The following AK5 variants were observed in gnomAD, a reference collection of about 807,000 sequenced individuals.
The protein encoded by AK5 is adenylate kinase isoenzyme 5.
AK5 carries 27 observed loss-of-function variants against 69.5 expected under a neutral mutation model. That is an observed-to-expected ratio of 0.39 (90% CI 0.29 to 0.54). The LOEUF (loss-of-function observed/expected upper bound fraction) is 0.54, where lower values mean the gene tolerates loss of function less well. AK5 is among the 20% of genes least tolerant of loss of function. The pLI is 0.71. For synonymous variants in AK5, 260 were observed against 244.4 expected, an observed-to-expected ratio of 1.06 and a Z score of -0.60; for missense variants, 531 against 700.4, an observed-to-expected ratio of 0.76 and a Z score of 2.73.
At position 77,432,315 on chromosome 1, in the gene AK5, C is replaced by A. The variant is rs116067335; in HGVS notation, c.1059+14600C>A. Among the ~76,000 whole-genome samples, 3 of 152,230 alleles carry A rather than the reference C, an allele frequency of 2.0e-5. No homozygotes were observed. In the East Asian group the frequency reaches 5.8e-4, roughly 29 times the overall value. ...GGTGAGTAGGAATCTGTGTCAAAAG[C>A]GTTCTAGCCACATTTGAGCAACAAG... On this transcript the variant is annotated intron_variant, in intron 8 of 13. Transcript: ENST00000354567.
chr1:77,395,794 C>T (rs1167113390), intron 6 of AK5, among the ~76,000 whole-genome samples: 1 of 152,204 alleles, frequency 6.6e-6, no homozygotes, highest in African/African-American at 2.4e-5. Context: ...AGAAGTTATT[C>T]GAAGGCCTCC....
chr1:77,354,105 T>C lies in AK5; in HGVS notation c.891+13537T>C, dbSNP rs569994365. The stretch of plus-strand genomic sequence containing the variant: ...GTTACAGCCATTACCAAGTTCAGGA[T>C]TGGAAATGGGAGTAAGTGGTGGGAA... On this transcript the variant is annotated intron_variant, in intron 6 of 13. Transcript: ENST00000354567. Among the ~76,000 whole-genome samples the C allele has an allele frequency of 2.8e-4, 43 of 152,098 alleles. 1 individual carries two copies. Among genetic ancestry groups the C allele is most frequent in the African/African-American group, 9.4e-4 (39 of 41,482 alleles).
Position 77,558,607 on chromosome 1 carries a change from T to C in AK5, c.1626T>C (p.Asn542=). 1.9e-6 allele frequency: 3 copies of C among 1,586,944 alleles called. No homozygotes were observed. The highest frequency in any genetic ancestry group is 2.6e-6 in the Non-Finnish European group (3 of 1,155,654). ...YETKTQLHKI[N]AEGTPEDVFL... is the part of the protein sequence containing the mutation. Reference sequence around the variant, plus strand: ...TTTTTTCCTTTTAAATATAGATAAATGCAGAGGGAACACCAGAGGACGTTT... The same window carrying C: ...TTTTTTCCTTTTAAATATAGATAAACGCAGAGGGAACACCAGAGGACGTTT... The change falls in exon 14 of 14, where the codon AAT becomes AAC. Residue 542 remains asparagine (N), a synonymous_variant. Transcript: ENST00000354567.
chr1:77,402,664 A>G (rs1291000404), intron 6 of AK5, among the ~76,000 whole-genome samples: 1 of 151,686 alleles, frequency 6.6e-6, no homozygotes, highest in East Asian at 1.9e-4. Context: ...CATGGTGTAT[A>G]TGTGCCACAT....
chr1:77,461,032 A>AT (rs1184525318), intron 8 of AK5, among the ~76,000 whole-genome samples: 6 of 142,424 alleles, frequency 4.2e-5, no homozygotes, highest in African/African-American at 1.6e-4. Flanking sequence ...CTGTATGTGA[A>AT]ATTTTTTTTT....
intron 8 of AK5, among the ~76,000 whole-genome samples, chr1:77,472,553 A>G (rs753766299): frequency 5.9e-5 from 9 of 152,006 alleles, no homozygotes; most frequent in Non-Finnish European, 1.3e-4. Flanking sequence ...TCTGCATCCA[A>G]AAAGAGAGGT....
At chr1:77,536,578 A>T (rs1205726372) in intron 13 of AK5, among the ~76,000 whole-genome samples, 3 of 152,182 alleles carry the variant, frequency 2.0e-5, no homozygotes, top group Non-Finnish European at 2.9e-5. Context: ...ATTTTCACAG[A>T]TCCCCTTATA....
At chr1:77,443,636 T>C (rs1652466531) in intron 8 of AK5, among the ~76,000 whole-genome samples, 1 of 150,894 alleles carries the variant, frequency 6.6e-6, no homozygotes, top group Non-Finnish European at 1.5e-5. Context: ...AAAATAATAA[T>C]GCCGCATTCC....
chr1:77,475,418 C>CAAA (rs5775405), intron 8 of AK5, among the ~76,000 whole-genome samples: 5 of 82,018 alleles, frequency 6.1e-5, no homozygotes, highest in South Asian at 3.3e-4. Context: ...TATATATATA[C>CAAA]TATATATTAT....
At chr1:77,472,681 G>A (rs752553463) in intron 8 of AK5, among the ~76,000 whole-genome samples, 1 of 140,880 alleles carries the variant, frequency 7.1e-6, no homozygotes, top group Non-Finnish European at 1.6e-5. Context: ...TCAGGAGTTC[G>A]AGAACAGCCT....
intron 5 of AK5, among the ~76,000 whole-genome samples, chr1:77,324,021 C>G (rs141276842): frequency 2.2e-4 from 34 of 152,340 alleles, no homozygotes; most frequent in Admixed American, 6.5e-4. Context: ...GCTGCTGCTG[C>G]TGCTGCAGCC....
At chr1:77,356,214 T>C (rs2100424285) in intron 6 of AK5, among the ~76,000 whole-genome samples, 1 of 152,328 alleles carries the variant, frequency 6.6e-6, no homozygotes, top group South Asian at 2.1e-4. Context: ...GTAATGTCAC[T>C]GAAACAAAAG....
rs192246757 is a variant in AK5 at position 77,518,794 on chromosome 1, A to C, written c.1311+67A>C. On this transcript the variant is annotated intron_variant, in intron 11 of 13. Coordinates refer to ENST00000354567, the MANE Select transcript of AK5 (RefSeq NM_174858.3). ...TGGGGAGACCTTTGGGGTTTTTGTA[A>C]TGAATCTGAGCTGCTGGAACTAAGA... 2.0e-6 allele frequency: 3 copies of C among 1,501,854 alleles called. No homozygotes were observed. In the Admixed American group the frequency reaches 5.7e-5, roughly 28 times the overall value. The allele number at this position is 1,501,854 out of a possible 1,614,324, so 93.0% of individuals were successfully genotyped here.
intron 8 of AK5, among the ~76,000 whole-genome samples, chr1:77,482,555 T>G (rs1424802618): frequency 1.3e-5 from 2 of 152,050 alleles, no homozygotes; most frequent in Non-Finnish European, 2.9e-5. Flanking sequence ...GGCAGATCAC[T>G]TGAGGTCAGG....
At chr1:77,518,919 G>A (rs1657825534) in intron 11 of AK5, among the ~76,000 whole-genome samples, 192 bp downstream of exon 11, 1 of 152,196 alleles carries the variant, frequency 6.6e-6, no homozygotes, top group Non-Finnish European at 1.5e-5. Context: ...ACCAGGTCGA[G>A]CTGGCCCAGG....
chr1:77,497,756 T>G (rs1431088180), intron 10 of AK5, among the ~76,000 whole-genome samples: 2 of 152,054 alleles, frequency 1.3e-5, no homozygotes, highest in African/African-American at 4.8e-5. Flanking sequence ...CCCGGCTTAT[T>G]TGGTAGAGTA....
chr1:77,395,730 A>C (rs1648783673), intron 6 of AK5, among the ~76,000 whole-genome samples: 1 of 152,226 alleles, frequency 6.6e-6, no homozygotes, highest in African/African-American at 2.4e-5. Context: ...ACCTCAAACA[A>C]AAGTGATAGA....
intron 8 of AK5, among the ~76,000 whole-genome samples, chr1:77,472,788 G>C (rs1488285382): frequency 6.6e-6 from 1 of 151,696 alleles, no homozygotes; most frequent in Non-Finnish European, 1.5e-5. Flanking sequence ...TACTGATGAG[G>C]CAATTCTTCT....
At chr1:77,372,549 TAC>T (rs991192876) in intron 6 of AK5, among the ~76,000 whole-genome samples, 4 of 152,314 alleles carry the variant, frequency 2.6e-5, no homozygotes, top group Middle Eastern at 3.4e-3. Context: ...ACATTTAACT[TAC>T]AGTGTCAAAA....
Sources: allele counts gnomAD v4.1 joint callset (sites outside exome capture counted in the v4.1 genomes callset), GRCh38; gene constraint gnomAD v4.1.1; transcripts MANE v1.5; gene names NCBI Gene and HGNC (gene_info 2026-07-23, HGNC 2026-07-21).